The following NOS3 variants were observed in gnomAD, a reference collection of about 807,000 sequenced individuals.
The protein encoded by NOS3 is nitric oxide synthase 3, also known as NOS type III.
NOS3 carries 98 observed loss-of-function variants against 144.9 expected under a neutral mutation model. The observed-to-expected ratio is 0.68, with a 90% CI of 0.57 to 0.80. NOS3 has a LOEUF of 0.80. Among genes scored for constraint, NOS3 ranks in the 30% least tolerant of loss-of-function variants. NOS3 has a pLI of 0.00. For synonymous variants in NOS3, 714 were observed against 702.4 expected, an observed-to-expected ratio of 1.02 and a Z score of -0.26; for missense variants, 1,465 against 1,656.4, an observed-to-expected ratio of 0.88 and a Z score of 2.01.
intron 15 of NOS3, 74 bp from the exon 16 acceptor site, chr7:151,006,815 C>T (rs926092073): frequency 2.5e-6 from 3 of 1,215,354 alleles, no homozygotes; most frequent in East Asian, 4.6e-5. Flanking sequence ...TGAAGCCGTC[C>T]CTGGGGCTGG....
Position 151,001,224 on chromosome 7 carries a change from CT to C in NOS3, c.1234-5del. The C allele has an allele frequency of 6.2e-7, 1 of 1,612,520 alleles. No homozygotes were observed. The highest frequency in any genetic ancestry group is 8.5e-7 in the Non-Finnish European group (1 of 1,179,918). On this transcript the variant is annotated splice_region_variant and splice_polypyrimidine_tract_variant and intron_variant, in intron 10 of 26. Transcript: ENST00000297494. ...TTTGAGCCTCTCCCCCTCTCTCTCC[CT>C]TCCAGCTAGCCAAAGTCACCATCGT... is the stretch of plus-strand genomic sequence containing the variant.
At chr7:151,009,625 C>T in intron 20 of NOS3, 40 bp downstream of exon 20, 1 of 1,455,698 alleles carries the variant, frequency 6.9e-7, no homozygotes. Flanking sequence ...ACACCAGCCC[C>T]ATGCCCAGCC....
Position 150,995,288 on chromosome 7 carries a change from G to A in NOS3, c.244G>A (p.Asp82Asn). Reference sequence around the variant, plus strand: ...CTGGGAGGTGGGGAGCATCACCTATGACACCCTCAGCGCCCAGGCGCAGCA... The same window carrying A: ...CTGGGAGGTGGGGAGCATCACCTATAACACCCTCAGCGCCCAGGCGCAGCA... ...KNWEVGSITY[D>N]TLSAQAQQDG... The change falls in exon 3 of 27, where the codon GAC (aspartate) becomes AAC (asparagine). Residue 82 changes from aspartate (D) to asparagine (N), a missense_variant. By Grantham distance (23) the Asp-to-Asn change is conservative (BLOSUM62 1). Transcript: ENST00000297494. 1.2e-6 allele frequency: 2 copies of A among 1,611,202 alleles called. No homozygotes were observed. Among genetic ancestry groups the A allele is most frequent in the African/African-American group, 1.3e-5 (1 of 74,926 alleles).
chr7:151,013,614 C>T, intron 25 of NOS3, 110 bp from the exon 26 acceptor site: 1 of 1,137,498 alleles, frequency 8.8e-7, no homozygotes, highest in Non-Finnish European at 1.2e-6. Flanking sequence ...GCACGCAGGC[C>T]CCACCAGGCC....
chr7:150,996,879 G>C lies in NOS3; in HGVS notation c.536G>C (p.Arg179Pro). The change falls in exon 5 of 27, where the codon CGC becomes CCC. Residue 179 changes from arginine to proline, a missense_variant. Around this residue, in one of 5 missense-constraint regions of NOS3, gnomAD observed 374 missense variants for 377.0 expected, o/e 0.99. Coordinates refer to ENST00000297494, the MANE Select transcript of NOS3 (RefSeq NM_000603.5). Reference protein sequence around the residue: ...ELVFGAKQAWRNAPRCVGRIQ... With the variant: ...ELVFGAKQAWPNAPRCVGRIQ... ...GTGTTCGGGGCTAAGCAGGCCTGGC[G>C]CAACGCTCCCCGCTGCGTGGGCCGG... is the stretch of plus-strand genomic sequence containing the variant. 1 of 1,586,380 alleles carries C rather than the reference G, an allele frequency of 6.3e-7. No individual in the cohort carries two copies. The highest frequency in any genetic ancestry group is 1.3e-5 in the African/African-American group (1 of 74,578).
rs757550403 is a variant in NOS3, at chr7:150,998,508, C to T, written c.675-31C>T. The T allele has an allele frequency of 3.0e-5, 49 of 1,610,794 alleles. No homozygotes were observed. The highest frequency in any genetic ancestry group is 4.1e-5 in the Non-Finnish European group (48 of 1,179,166). On this transcript the variant is annotated intron_variant, in intron 6 of 26. Coordinates refer to ENST00000297494, the MANE Select transcript of NOS3 (RefSeq NM_000603.5). The surrounding 1 kb of genome is among the most constrained non-coding windows in gnomAD (Gnocchi z 5.0). ...CTTCCCCAAGGCAGGGAAGGCGGGG[C>T]TCTGACCAGCTCTTTCCCCATGCGT...
intron 9 of NOS3, among the ~76,000 whole-genome samples, chr7:151,000,127 T>G: frequency 8.8e-6 from 1 of 113,762 alleles, no homozygotes; most frequent in Non-Finnish European, 1.8e-5. Flanking sequence ...TGGGTGTGGG[T>G]GTGAGTGGGT....
Position 151,012,430 on chromosome 7 carries a change from C to G in NOS3, c.3064C>G (p.Arg1022Gly). 1 of 1,610,914 alleles carries G rather than the reference C, an allele frequency of 6.2e-7. No individual in the cohort carries two copies. Among genetic ancestry groups the G allele is most frequent in the Non-Finnish European group, 8.5e-7 (1 of 1,178,950 alleles). ...VGPGTGIAPF[R>G]GFWQERLHDI... Reference sequence around the variant, plus strand: ...TCCAGGCACTGGCATTGCCCCCTTCCGGGGATTCTGGCAGGAGCGGCTGCA... The same window carrying G: ...TCCAGGCACTGGCATTGCCCCCTTCGGGGGATTCTGGCAGGAGCGGCTGCA... Residue 1022 changes from arginine to glycine, a missense_variant, in exon 24 of 27, where the codon CGG (arginine) becomes GGG (glycine). Arg to Gly is a moderately radical substitution (Grantham distance 125). Transcript: ENST00000297494.
chr7:151,001,460 C>T, intron 11 of NOS3, 35 bp downstream of exon 11: 1 of 1,594,948 alleles, frequency 6.3e-7, no homozygotes, highest in Non-Finnish European at 8.6e-7. Context: ...AGCCTGGGCC[C>T]AGCTCTAATT....
intron 1 of NOS3, among the ~76,000 whole-genome samples, 185 bp downstream of exon 1, chr7:150,991,485 C>T (rs2117091366): frequency 6.6e-6 from 1 of 152,352 alleles, no homozygotes; most frequent in South Asian, 2.1e-4. Context: ...GCCCATTTGT[C>T]TAGAACAGAG....
rs1405726415 is a variant in NOS3, at chr7:151,003,897, G to A, written c.1752+1593G>A. 8.3e-6 allele frequency: 3 copies of A among 362,398 alleles called. No homozygotes were observed. Among genetic ancestry groups the A allele is most frequent in the Non-Finnish European group, 1.1e-5 (2 of 182,440 alleles). The allele number at this position is 362,398 out of a possible 1,614,324, so 22.4% of individuals were successfully genotyped here. A position where few individuals can be genotyped will look rare whatever the true frequency, so the allele number is the denominator to read the frequency against. On this transcript the variant is annotated intron_variant, in intron 14 of 26. Coordinates refer to ENST00000297494, the MANE Select transcript of NOS3 (RefSeq NM_000603.5). This position sits in a 1 kb window ranked among gnomAD's most constrained non-coding sequence, Gnocchi z 4.1. ...GTGACACTTGGGCTGTTTCCAGGTC[G>A]GGGCTATTATGAATAAACCTGTTAT...
At position 151,014,074 on chromosome 7, in the gene NOS3, A is replaced by T. The variant is rs1397867146; in HGVS notation, c.3517A>T (p.Ile1173Leu). 6.2e-7 allele frequency: 1 copy of T among 1,613,776 alleles called. No individual in the cohort carries two copies. Among genetic ancestry groups the T allele is most frequent in the Non-Finnish European group, 8.5e-7 (1 of 1,179,966 alleles). ...GCGCACCCAGGAGGTGACAAGCCGC[A>T]TACGCACCCAGAGCTTTTCCTTGCA... ...TLRTQEVTSR[I>L]RTQSFSLQER... Residue 1173 changes from isoleucine to leucine, a missense_variant, in exon 27 of 27, where the codon ATA becomes TTA. Transcript: ENST00000297494.
In NOS3 at chr7:151,010,965, C is replaced by T; in HGVS notation, c.2963C>T (p.Pro988Leu). ...TWLSQLKPGD[P>L]VPCFIRGAPS... Reference sequence around the variant, plus strand: ...CTAAGCCAGCTCAAGCCCGGAGACCCTGTGCCCTGCTTCATCCGGGGGTAA... The same window carrying T: ...CTAAGCCAGCTCAAGCCCGGAGACCTTGTGCCCTGCTTCATCCGGGGGTAA... The change falls in exon 23 of 27, where the codon CCT becomes CTT. Residue 988 changes from proline (P) to leucine (L), a missense_variant. Physicochemically the swap from Pro to Leu is moderately conservative, Grantham distance 98. Transcript: ENST00000297494. 1 of 1,613,596 alleles carries T rather than the reference C, an allele frequency of 6.2e-7. No individual in the cohort carries two copies. The highest frequency in any genetic ancestry group is 8.5e-7 in the Non-Finnish European group (1 of 1,179,688).
At position 150,998,435 on chromosome 7, in the gene NOS3, C is replaced by T. The variant is rs1464236122; in HGVS notation, c.661C>T (p.Arg221Trp). 9.9e-6 allele frequency: 16 copies of T among 1,612,258 alleles called. No individual in the cohort carries two copies. Among genetic ancestry groups the T allele is most frequent in the East Asian group, 8.9e-5 (4 of 44,900 alleles). ...ICNHIKYATN[R>W]GNLRSAITVF... ...CAACCACATCAAGTATGCCACCAACCGGGGCAACCTTCGGTGAGTGCCCCC... is the reference window on the plus strand; with the variant it reads ...CAACCACATCAAGTATGCCACCAACTGGGGCAACCTTCGGTGAGTGCCCCC... Residue 221 changes from arginine (R) to tryptophan (W), a missense_variant, in exon 6 of 27, where the codon CGG (arginine) becomes TGG (tryptophan). Coordinates refer to ENST00000297494, the MANE Select transcript of NOS3 (RefSeq NM_000603.5). The surrounding 1 kb of genome is among the most constrained non-coding windows in gnomAD (Gnocchi z 5.0).
At chr7:151,008,781 T>C in intron 17 of NOS3, 149 bp from the exon 18 acceptor site, 1 of 867,804 alleles carries the variant, frequency 1.2e-6, no homozygotes. Flanking sequence ...TGAAATGGGC[T>C]GGCGGAAAAG....
chr7:151,004,960 C>T (rs973890074), intron 14 of NOS3, among the ~76,000 whole-genome samples: 2 of 152,112 alleles, frequency 1.3e-5, no homozygotes, highest in African/African-American at 2.4e-5. Context: ...CCGGTTCAAG[C>T]GATTCTCCTG....
At chr7:151,012,623 T>C in intron 24 of NOS3, 151 bp downstream of exon 24, 1 of 922,172 alleles carries the variant, frequency 1.1e-6, no homozygotes, top group South Asian at 1.8e-5. Context: ...GGAGGGCAGG[T>C]ACCAAAGGCA....
At position 151,001,534 on chromosome 7, in the gene NOS3, C is replaced by T; in HGVS notation, c.1429-10C>T. 1.2e-6 allele frequency: 2 copies of T among 1,613,712 alleles called. No individual in the cohort carries two copies. Among genetic ancestry groups the T allele is most frequent in the South Asian group, 2.2e-5 (2 of 91,076 alleles). On this transcript the variant is annotated splice_polypyrimidine_tract_variant and intron_variant, in intron 11 of 26. Transcript: ENST00000297494. Reference sequence around the variant, plus strand: ...TTACCTCCCCTCCCAACCCCATCATCTCTCTGCAGCCAGACCCCTGGAAGG... The same window carrying T: ...TTACCTCCCCTCCCAACCCCATCATTTCTCTGCAGCCAGACCCCTGGAAGG...
chr7:151,013,679 G>GC, intron 25 of NOS3, 45 bp from the exon 26 acceptor site: 5 of 738,126 alleles, frequency 6.8e-6, no homozygotes, highest in South Asian at 1.6e-5. Context: ...CTGCGCCCCC[G>GC]CGCCCACCCC....
Sources: gnomAD v4.1 joint callset for allele counts (sites outside exome capture counted in the v4.1 genomes callset) on GRCh38, gnomAD v4.1.1 for gene constraint, gnomAD v4.1.1 regional missense constraint, Gnocchi (gnomAD v3.1) non-coding constraint, MANE v1.5 for transcripts, NCBI Gene and HGNC (gene_info 2026-07-23, HGNC 2026-07-21) for gene names.